CDC42BPA: variants seen among roughly 807,000 people sequenced by gnomAD.
The protein encoded by CDC42BPA is CDC42 binding protein kinase alpha.
CDC42BPA carries 80 observed loss-of-function variants against 223.5 expected under a neutral mutation model. The observed-to-expected ratio is 0.36, with a 90% CI of 0.30 to 0.43. CDC42BPA has a LOEUF of 0.43. Ranked by LOEUF, CDC42BPA falls within the 20% of genes least tolerant of loss-of-function variation. The pLI, the probability that CDC42BPA is intolerant of heterozygous loss-of-function variation, is 1.00. For synonymous variants in CDC42BPA, 694 were observed against 718.6 expected (o/e 0.97, Z 0.55); for missense variants, 1,743 against 2,099.9 (o/e 0.83, Z 3.32).
intron 5 of CDC42BPA, among the ~76,000 whole-genome samples, chr1:227,167,296 AAAG>A (rs1428749340): frequency 6.6e-6 from 1 of 152,190 alleles, no homozygotes; most frequent in African/African-American, 2.4e-5. Context: ...TGAGTGCTGA[AAAG>A]AAGTTGTCCA....
intron 1 of CDC42BPA, among the ~76,000 whole-genome samples, chr1:227,289,103 A>T (rs1689277476): frequency 6.6e-6 from 1 of 152,172 alleles, no homozygotes; most frequent in African/African-American, 2.4e-5. Context: ...TCTCTCTCTC[A>T]CGTGTACTGC....
intron 31 of CDC42BPA, among the ~76,000 whole-genome samples, chr1:227,025,041 G>A (rs1404788240): frequency 6.6e-6 from 1 of 152,142 alleles, no homozygotes; most frequent in African/African-American, 2.4e-5. Context: ...TAAGAAGTTC[G>A]AGGCCAGCCT....
At chr1:227,256,990 C>CACACACACACACACACACACACACACA (rs1683186834) in intron 1 of CDC42BPA, among the ~76,000 whole-genome samples, 3 of 143,796 alleles carry the variant, frequency 2.1e-5, no homozygotes, top group African/African-American at 7.9e-5. Flanking sequence ...CACACACACA[C>CACACACACACACACACACACACACACA]CAGTATGTTA....
intron 6 of CDC42BPA, among the ~76,000 whole-genome samples, chr1:227,150,224 C>CA (rs35252773): frequency 0.68 from 92,325 of 136,420 alleles, 30,965 homozygotes; most frequent in South Asian, 0.79. Context: ...AACCCTGTCT[C>CA]AAAAAAAAAA....
chr1:227,251,448 G>T (rs1051674321), intron 2 of CDC42BPA, among the ~76,000 whole-genome samples: 6 of 152,110 alleles, frequency 3.9e-5, no homozygotes, highest in African/African-American at 1.2e-4. Flanking sequence ...ATCATTACAT[G>T]TTAACTGATT....
At chr1:227,268,573 AGTGTATATATATAT>A (rs1183091323) in intron 1 of CDC42BPA, among the ~76,000 whole-genome samples, 1 of 143,802 alleles carries the variant, frequency 7.0e-6, no homozygotes, top group Non-Finnish European at 1.5e-5. Flanking sequence ...GTATATATAT[AGTGTATATATATAT>A]GTGTATATAT....
At chr1:227,222,053 A>T in intron 2 of CDC42BPA, among the ~76,000 whole-genome samples, 1 of 23,808 alleles carries the variant, frequency 4.2e-5, no homozygotes, top group Admixed American at 4.0e-4. Flanking sequence ...TATCTCTACC[A>T]AAAAAAAAAA....
intron 2 of CDC42BPA, among the ~76,000 whole-genome samples, chr1:227,223,531 G>A (rs1676306261): frequency 6.6e-6 from 1 of 152,158 alleles, no homozygotes. Flanking sequence ...AGTAATTGAG[G>A]TGAGAGGATC....
chr1:226,998,794 T>C (rs1045205433), intron 35 of CDC42BPA, among the ~76,000 whole-genome samples: 1 of 151,884 alleles, frequency 6.6e-6, no homozygotes, highest in Non-Finnish European at 1.5e-5. Context: ...AATTGGCAAA[T>C]GGGATCTAAT....
chr1:227,288,054 A>C (rs1034431367), intron 1 of CDC42BPA, among the ~76,000 whole-genome samples: 2 of 152,132 alleles, frequency 1.3e-5, no homozygotes, highest in African/African-American at 2.4e-5. Flanking sequence ...GTAGCTTTTC[A>C]CTGTAATAAA....
intron 2 of CDC42BPA, among the ~76,000 whole-genome samples, chr1:227,253,028 A>C (rs1033538859): frequency 6.6e-6 from 1 of 152,230 alleles, no homozygotes; most frequent in Non-Finnish European, 1.5e-5. Context: ...TGAACACTAC[A>C]AAACGGTATT....
At chr1:227,222,860 T>C (rs1250685823) in intron 2 of CDC42BPA, among the ~76,000 whole-genome samples, 1 of 152,224 alleles carries the variant, frequency 6.6e-6, no homozygotes, top group African/African-American at 2.4e-5. Flanking sequence ...TTGTGCATGT[T>C]CATTTTTCAG....
chr1:227,250,652 G>GTA (rs1553417490), intron 2 of CDC42BPA, among the ~76,000 whole-genome samples: 1 of 151,792 alleles, frequency 6.6e-6, no homozygotes, highest in Non-Finnish European at 1.5e-5. Flanking sequence ...GTGTGTGTGT[G>GTA]TATACCATAA....
rs879843483 is a variant in CDC42BPA, at chr1:227,247,601, G to A, written c.270+6463C>T. On this transcript the variant is annotated intron_variant, in intron 2 of 36. Coordinates refer to ENST00000366766, the MANE Select transcript of CDC42BPA (RefSeq NM_001394014.1). ...TTCACAGATTAAAATAATTAAAAACGGGGCCAGGCGTAGTGGCTCATGCCT... is the reference window on the plus strand; with the variant it reads ...TTCACAGATTAAAATAATTAAAAACAGGGCCAGGCGTAGTGGCTCATGCCT... Among the ~76,000 whole-genome samples the A allele has an allele frequency of 6.6e-5, 10 of 150,812 alleles. No individual in the cohort carries two copies. In the South Asian group the frequency reaches 1.3e-3, roughly 19 times the overall value.
intron 14 of CDC42BPA, among the ~76,000 whole-genome samples, chr1:227,105,783 C>T (rs1182100103): frequency 2.0e-5 from 3 of 152,156 alleles, no homozygotes; most frequent in Non-Finnish European, 4.4e-5. Context: ...TGACTTCATT[C>T]CTTTTCATAG....
intron 12 of CDC42BPA, among the ~76,000 whole-genome samples, chr1:227,117,162 T>C (rs12405878): frequency 0.15 from 23,459 of 152,146 alleles, 2,190 homozygotes; most frequent in African/African-American, 0.25. Flanking sequence ...AAGGGAGCCA[T>C]GTAGTTATTC....
At chr1:227,206,687 T>C (rs565595661) in intron 3 of CDC42BPA, among the ~76,000 whole-genome samples, 1 of 152,314 alleles carries the variant, frequency 6.6e-6, no homozygotes, top group Non-Finnish European at 1.5e-5. Context: ...ATACAATTTC[T>C]ATTTTAAAGT....
intron 5 of CDC42BPA, among the ~76,000 whole-genome samples, chr1:227,164,551 A>AGCTACTCAGAAG (rs1553372462): frequency 6.6e-6 from 1 of 151,764 alleles, no homozygotes; most frequent in Non-Finnish European, 1.5e-5. Context: ...CTGTGGTCCC[A>AGCTACTCAGAAG]GCTACTCAGG....
At chr1:227,101,786 A>G (rs549657190) in intron 14 of CDC42BPA, among the ~76,000 whole-genome samples, 78 of 152,276 alleles carry the variant, frequency 5.1e-4, no homozygotes, top group African/African-American at 1.5e-3. Flanking sequence ...TAGAAAAAAA[A>G]CGGTAGGTCT....
Sources: gnomAD v4.1 joint callset for allele counts (sites outside exome capture counted in the v4.1 genomes callset) on GRCh38, gnomAD v4.1.1 for gene constraint, MANE v1.5 for transcripts, NCBI Gene and HGNC (gene_info 2026-07-23, HGNC 2026-07-21) for gene names.